The following NTNG1 variants were observed in gnomAD, a reference collection of about 807,000 sequenced individuals.
NTNG1 encodes netrin-G1.
A neutral mutation model predicts 54.0 loss-of-function variants in NTNG1; 16 were observed. The ratio of observed to expected loss-of-function variants is 0.30; its 90% confidence interval spans 0.20 to 0.45. The LOEUF is 0.45. Ranked by LOEUF, NTNG1 falls within the 20% of genes least tolerant of loss-of-function variation. The pLI, the probability that NTNG1 is intolerant of heterozygous loss-of-function variation, is 1.00. For missense variants in NTNG1, 530 were observed against 678.7 expected, an observed-to-expected ratio of 0.78 and a Z score of 2.43; for synonymous variants, 255 against 263.1, an observed-to-expected ratio of 0.97 and a Z score of 0.30.
intron 2 of NTNG1, among the ~76,000 whole-genome samples, chr1:107,202,247 C>T (rs1658812666): frequency 6.6e-6 from 1 of 151,614 alleles, no homozygotes; most frequent in South Asian, 2.1e-4. Flanking sequence ...GTACTTTTTC[C>T]TATTTTCAAA....
chr1:107,436,878 C>T (rs1675633998), intron 7 of NTNG1, 79 bp downstream of exon 7: 2 of 1,338,296 alleles, frequency 1.5e-6, no homozygotes, highest in East Asian at 2.4e-5. Flanking sequence ...CGTGCAGCTT[C>T]TCAGAGCAGA....
At chr1:107,192,442 A>G (rs970711601) in intron 2 of NTNG1, among the ~76,000 whole-genome samples, 1 of 152,034 alleles carries the variant, frequency 6.6e-6, no homozygotes, top group African/African-American at 2.4e-5. Context: ...GTGTCTCACT[A>G]TGGTTTCTCC....
In NTNG1 at chr1:107,206,838, G is replaced by A. The variant is rs138898239; in HGVS notation, c.246+57999G>A. Among the ~76,000 whole-genome samples the A allele has an allele frequency of 3.9e-5, 6 of 152,148 alleles. No individual in the cohort carries two copies. The East Asian group carries it at 7.7e-4, about 20-fold the overall frequency. On this transcript the variant is annotated intron_variant, in intron 2 of 7. Coordinates refer to ENST00000370068, the MANE Select transcript of NTNG1 (RefSeq NM_001113226.3). ...TCATGGAGCATTTAGACCATGGGCC[G>A]GCCTAGATTAAGTGCTGGTTTTGAA...
chr1:107,479,298 GA>G (rs1487969985), intron 7 of NTNG1, among the ~76,000 whole-genome samples: 2 of 152,152 alleles, frequency 1.3e-5, no homozygotes, highest in African/African-American at 2.4e-5. Flanking sequence ...AGCTTCTTTT[GA>G]AGCTGACATG....
intron 6 of NTNG1, among the ~76,000 whole-genome samples, chr1:107,432,815 G>A (rs897798842): frequency 5.9e-5 from 9 of 152,036 alleles, no homozygotes; most frequent in Admixed American, 1.3e-4. Flanking sequence ...CTCTTATCAG[G>A]TAACTTAACA....
chr1:107,427,969 A>G (rs1459675854), intron 5 of NTNG1, among the ~76,000 whole-genome samples: 1 of 152,152 alleles, frequency 6.6e-6, no homozygotes, highest in African/African-American at 2.4e-5. Context: ...AGATTCATGG[A>G]ATGGGTCTTA....
intron 3 of NTNG1, among the ~76,000 whole-genome samples, chr1:107,339,747 A>G (rs893380304): frequency 1.3e-5 from 2 of 152,096 alleles, no homozygotes; most frequent in African/African-American, 4.8e-5. Context: ...TAACATGGAA[A>G]ATAATATCTA....
chr1:107,398,491 G>A (rs1672827402), intron 4 of NTNG1, among the ~76,000 whole-genome samples: 2 of 152,088 alleles, frequency 1.3e-5, no homozygotes. Context: ...GACCACTGTT[G>A]TATGAAACAT....
At chr1:107,448,305 C>A (rs1172211959) in intron 7 of NTNG1, among the ~76,000 whole-genome samples, 1 of 152,058 alleles carries the variant, frequency 6.6e-6, no homozygotes, top group African/African-American at 2.4e-5. Flanking sequence ...GTACCAGGCA[C>A]TATGCCAAGC....
At chr1:107,352,484 G>T (rs1288994928) in intron 3 of NTNG1, among the ~76,000 whole-genome samples, 1 of 152,152 alleles carries the variant, frequency 6.6e-6, no homozygotes, top group Admixed American at 6.5e-5. Flanking sequence ...CTGAGTGGAG[G>T]CTCCAGCCCC....
chr1:107,441,040 G>GA (rs71807086), intron 7 of NTNG1, among the ~76,000 whole-genome samples: 3 of 151,680 alleles, frequency 2.0e-5, no homozygotes, highest in African/African-American at 7.3e-5. Context: ...GAAAGAAAGA[G>GA]AAAAAAAGTT....
At chr1:107,225,639 G>A (rs756134470) in intron 2 of NTNG1, among the ~76,000 whole-genome samples, 3 of 152,110 alleles carry the variant, frequency 2.0e-5, no homozygotes, top group Non-Finnish European at 4.4e-5. Flanking sequence ...AGAGAGCATG[G>A]CATGAGATAA....
At chr1:107,403,840 C>G (rs909682022) in intron 4 of NTNG1, among the ~76,000 whole-genome samples, 2 of 152,018 alleles carry the variant, frequency 1.3e-5, no homozygotes, top group African/African-American at 4.8e-5. Flanking sequence ...GCACTTGAGT[C>G]TCTTTGTGCC....
rs151148382 is a variant in NTNG1 at position 107,164,260 on chromosome 1, A to G, written c.246+15421A>G. Among the ~76,000 whole-genome samples the G allele has an allele frequency of 5.2e-3, 796 of 152,358 alleles. 5 individuals carry two copies. The highest frequency in any genetic ancestry group is 8.0e-3 in the Non-Finnish European group (546 of 68,036). ...GGTTGGACTTCCTTGTGCTGGTCAC[A>G]GCCTGGCCAACAGTGCCTGCTGGTC... On this transcript the variant is annotated intron_variant, in intron 2 of 7. Coordinates refer to ENST00000370068, the MANE Select transcript of NTNG1 (RefSeq NM_001113226.3).
chr1:107,309,879 C>A (rs373671093), intron 2 of NTNG1, among the ~76,000 whole-genome samples: 196 of 152,296 alleles, frequency 1.3e-3, no homozygotes, highest in African/African-American at 4.5e-3. Context: ...CAGCCTTACT[C>A]CTGGCCTCCC....
chr1:107,406,309 C>A (rs963024280), intron 4 of NTNG1, among the ~76,000 whole-genome samples: 1 of 152,026 alleles, frequency 6.6e-6, no homozygotes, highest in Non-Finnish European at 1.5e-5. Flanking sequence ...TAAAATAGAA[C>A]CTTAATGATT....
At chr1:107,429,436 T>G (rs1356513288) in intron 5 of NTNG1, among the ~76,000 whole-genome samples, 2 of 152,114 alleles carry the variant, frequency 1.3e-5, no homozygotes, top group African/African-American at 4.8e-5. Context: ...CATCAAAATA[T>G]AATATTTGAA....
At chr1:107,424,346 C>A (rs1674754691) in intron 5 of NTNG1, among the ~76,000 whole-genome samples, 1 of 152,036 alleles carries the variant, frequency 6.6e-6, no homozygotes, top group Non-Finnish European at 1.5e-5. Context: ...GAGGTGAGTG[C>A]TAGCAATGAG....
chr1:107,195,556 C>A (rs1209344047), intron 2 of NTNG1, among the ~76,000 whole-genome samples: 1 of 151,842 alleles, frequency 6.6e-6, no homozygotes, highest in Non-Finnish European at 1.5e-5. Context: ...CAAGGCCCTA[C>A]ATAATTTGAT....
Sources: allele counts gnomAD v4.1 joint callset (sites outside exome capture counted in the v4.1 genomes callset), GRCh38; gene constraint gnomAD v4.1.1; transcripts MANE v1.5; gene names NCBI Gene and HGNC (gene_info 2026-07-23, HGNC 2026-07-21).